The following ROBO1 variants were observed in gnomAD, a reference collection of about 807,000 sequenced individuals.
ROBO1 encodes the protein roundabout homolog 1.
In ROBO1, 149 loss-of-function variants were observed where a neutral mutation model predicts 195.9. The ratio of observed to expected loss-of-function variants is 0.76; its 90% CI spans 0.67 to 0.87. The LOEUF (loss-of-function observed/expected upper bound fraction) is 0.87, where lower values mean the gene tolerates loss of function less well. Among genes scored for constraint, ROBO1 ranks in the 40% least tolerant of loss-of-function variants. The probability of loss-of-function intolerance (pLI) is 0.00; values close to 1 mark genes in which losing one functional copy is unlikely to be tolerated. For missense variants in ROBO1, 1,933 were observed against 2,068.3 expected, an observed-to-expected ratio of 0.93 and a Z score of 1.27; for synonymous variants, 816 against 733.2, an observed-to-expected ratio of 1.11 and a Z score of -1.82.
chr3:79,025,575 A>C (rs2078188715), intron 3 of ROBO1, among the ~76,000 whole-genome samples: 1 of 152,134 alleles, frequency 6.6e-6, no homozygotes, highest in African/African-American at 2.4e-5. Context: ...TTCTTTAGTT[A>C]ACTATTTCTA....
At chr3:79,645,587 T>C (rs1428900453) in intron 1 of ROBO1, among the ~76,000 whole-genome samples, 1 of 152,038 alleles carries the variant, frequency 6.6e-6, no homozygotes, top group African/African-American at 2.4e-5. Flanking sequence ...CCTATCAAAA[T>C]ACCAATGACA....
At chr3:79,591,283 C>T (rs1192130642) in intron 1 of ROBO1, among the ~76,000 whole-genome samples, 3 of 151,852 alleles carry the variant, frequency 2.0e-5, no homozygotes, top group Admixed American at 6.6e-5. Flanking sequence ...TGTAGGTTAA[C>T]TGGACATAGC....
intron 1 of ROBO1, among the ~76,000 whole-genome samples, chr3:79,720,043 T>C (rs578063601): frequency 6.6e-6 from 1 of 152,254 alleles, no homozygotes; most frequent in African/African-American, 2.4e-5. Context: ...CATCACAAAG[T>C]TTTAAAAATA....
chr3:78,770,387 G>A (rs404130), intron 4 of ROBO1, among the ~76,000 whole-genome samples: 8,255 of 152,216 alleles, frequency 0.054, 299 homozygotes, highest in Middle Eastern at 0.11. Context: ...ATGATGTGGA[G>A]CATTTTTCAT....
At chr3:79,183,436 T>C (rs1301273227) in intron 2 of ROBO1, among the ~76,000 whole-genome samples, 1 of 152,202 alleles carries the variant, frequency 6.6e-6, no homozygotes, top group African/African-American at 2.4e-5. Flanking sequence ...TAAGAAACTC[T>C]CCAGGTTTGG....
At chr3:78,836,278 C>T (rs562213574) in intron 4 of ROBO1, among the ~76,000 whole-genome samples, 80 of 151,942 alleles carry the variant, frequency 5.3e-4, no homozygotes, top group Middle Eastern at 6.8e-3. Flanking sequence ...TTTGGGAGGC[C>T]GAGGCGGGCG....
chr3:79,637,066 C>T (rs970528298), intron 1 of ROBO1, among the ~76,000 whole-genome samples: 4 of 152,154 alleles, frequency 2.6e-5, no homozygotes, highest in Non-Finnish European at 5.9e-5. Context: ...AATTCAATCA[C>T]ACTAATTTCA....
At chr3:79,166,947 C>T (rs2081078584) in intron 2 of ROBO1, among the ~76,000 whole-genome samples, 2 of 152,044 alleles carry the variant, frequency 1.3e-5, no homozygotes, top group East Asian at 1.9e-4. Flanking sequence ...TCTTCTTAGG[C>T]TTCTGAATTA....
chr3:78,846,267 G>A (rs960141326), intron 4 of ROBO1, among the ~76,000 whole-genome samples: 7 of 152,020 alleles, frequency 4.6e-5, no homozygotes, highest in African/African-American at 1.4e-4. Context: ...AAAAACAAAG[G>A]CTGTTCTTCT....
intron 2 of ROBO1, among the ~76,000 whole-genome samples, chr3:79,324,809 G>T (rs1184222300): frequency 6.6e-6 from 1 of 152,176 alleles, no homozygotes; most frequent in East Asian, 1.9e-4. Flanking sequence ...ACTCCACATG[G>T]TTTAAACAAA....
At chr3:79,167,854 C>T (rs1386001471) in intron 2 of ROBO1, among the ~76,000 whole-genome samples, 7 of 152,152 alleles carry the variant, frequency 4.6e-5, no homozygotes, top group African/African-American at 1.4e-4. Context: ...ACTTAATCAT[C>T]CTCATCTGTA....
chr3:79,603,788 A>T (rs1166076373), intron 1 of ROBO1, among the ~76,000 whole-genome samples: 1 of 152,020 alleles, frequency 6.6e-6, no homozygotes, highest in Non-Finnish European at 1.5e-5. Context: ...TTTTTATGTC[A>T]ATGAATAAGA....
At chr3:79,192,667 C>T (rs2081561291) in intron 2 of ROBO1, among the ~76,000 whole-genome samples, 1 of 151,502 alleles carries the variant, frequency 6.6e-6, no homozygotes, top group Non-Finnish European at 1.5e-5. Flanking sequence ...TGAAGAAATT[C>T]TCAGAGGCCT....
chr3:79,607,945 G>C (rs548423158), intron 1 of ROBO1, among the ~76,000 whole-genome samples: 1 of 152,040 alleles, frequency 6.6e-6, no homozygotes, highest in South Asian at 2.1e-4. Flanking sequence ...AGTCTCACAG[G>C]ATTCAAAACT....
chr3:78,859,888 G>A (rs1157107803), intron 4 of ROBO1, among the ~76,000 whole-genome samples: 3 of 152,122 alleles, frequency 2.0e-5, no homozygotes, highest in African/African-American at 2.4e-5. Flanking sequence ...GGACCATCCT[G>A]GCTAACACGG....
At chr3:79,515,855 G>A (rs1940921235) in intron 2 of ROBO1, among the ~76,000 whole-genome samples, 1 of 152,152 alleles carries the variant, frequency 6.6e-6, no homozygotes, top group African/African-American at 2.4e-5. Context: ...TTTGGTTGAT[G>A]TGTTCACATA....
In ROBO1 at chr3:79,618,378, A is replaced by T. The variant is rs142429973; in HGVS notation, c.-50-28417T>A. On this transcript the variant is annotated intron_variant, in intron 1 of 30. Coordinates refer to ENST00000464233, the MANE Select transcript of ROBO1 (RefSeq NM_002941.4). ...GCCTGAAGCAACTGAAGAACCACAA[A>T]AGAAGTGAAAATAGCCAATTCCTGC... 7.6e-3 allele frequency among the ~76,000 whole-genome samples: 1,150 copies of T among 152,238 alleles called. 16 individuals carry two copies. The highest frequency in any genetic ancestry group is 0.024 in the African/African-American group (1,007 of 41,536).
At chr3:79,058,270 C>T (rs938157511) in intron 3 of ROBO1, among the ~76,000 whole-genome samples, 2 of 152,064 alleles carry the variant, frequency 1.3e-5, no homozygotes, top group African/African-American at 4.8e-5. Flanking sequence ...AATTGCTCCT[C>T]TGGCCAAGGG....
intron 3 of ROBO1, among the ~76,000 whole-genome samples, chr3:78,943,015 C>A (rs1236373808): frequency 6.6e-6 from 1 of 151,864 alleles, no homozygotes. Flanking sequence ...GAGATGGAGA[C>A]CATCCTGGTT....
Sources: gnomAD v4.1 joint callset for allele counts (sites outside exome capture counted in the v4.1 genomes callset) on GRCh38, gnomAD v4.1.1 for gene constraint, MANE v1.5 for transcripts, NCBI Gene and HGNC (gene_info 2026-07-23, HGNC 2026-07-21) for gene names.